The following RUNX2 variants were observed in gnomAD, a reference collection of about 807,000 sequenced individuals.
RUNX2 encodes runt-related transcription factor 2.
In RUNX2, 10 loss-of-function variants were observed where a neutral mutation model predicts 51.7. The ratio of observed to expected loss-of-function variants is 0.19; its 90% CI spans 0.12 to 0.33. The LOEUF is 0.33. Among genes scored for constraint, RUNX2 ranks in the 10% least tolerant of loss-of-function variants. RUNX2 has a pLI of 1.00. For synonymous variants in RUNX2, 276 were observed against 273.6 expected (o/e 1.01, Z -0.09); for missense variants, 562 against 691.3 (o/e 0.81, Z 2.10).
chr6:45,542,857 G>C (rs1230465096), intron 7 of RUNX2, among the ~76,000 whole-genome samples: 1 of 152,172 alleles, frequency 6.6e-6, no homozygotes, highest in Non-Finnish European at 1.5e-5. Flanking sequence ...CTGTGGCTGT[G>C]ATTTTGTGAT....
chr6:45,419,839 G>A (rs1199990409), intron 2 of RUNX2, among the ~76,000 whole-genome samples: 2 of 152,128 alleles, frequency 1.3e-5, no homozygotes, highest in Non-Finnish European at 2.9e-5. Context: ...GAGTAGGTTG[G>A]GGACCAGGTG....
chr6:45,356,904 A>C (rs2150225312), intron 2 of RUNX2, among the ~76,000 whole-genome samples: 1 of 152,314 alleles, frequency 6.6e-6, no homozygotes, highest in Non-Finnish European at 1.5e-5. Flanking sequence ...AATTTACAGA[A>C]TTTACTGTAA....
chr6:45,479,984 T>C (rs1800064230), intron 5 of RUNX2, among the ~76,000 whole-genome samples: 2 of 152,356 alleles, frequency 1.3e-5, no homozygotes, highest in Admixed American at 6.5e-5. Context: ...AAGAACACTT[T>C]AACAGATTTG....
At chr6:45,331,122 T>TGC (rs769276448) in intron 2 of RUNX2, among the ~76,000 whole-genome samples, 1 of 149,810 alleles carries the variant, frequency 6.7e-6, no homozygotes, top group Non-Finnish European at 1.5e-5. Context: ...TGTGTGTGTG[T>TGC]GTGTGCGCGC....
At chr6:45,354,911 AT>A (rs1317520383) in intron 2 of RUNX2, among the ~76,000 whole-genome samples, 3 of 152,126 alleles carry the variant, frequency 2.0e-5, no homozygotes, top group Non-Finnish European at 4.4e-5. Flanking sequence ...GGCTTTTGGT[AT>A]TTTTTAATTT....
intron 2 of RUNX2, among the ~76,000 whole-genome samples, chr6:45,376,886 C>T (rs1796859338): frequency 6.6e-6 from 1 of 152,144 alleles, no homozygotes; most frequent in Non-Finnish European, 1.5e-5. Context: ...TACTTATATA[C>T]ACACATATGT....
At chr6:45,458,136 C>G (rs1563095608) in intron 5 of RUNX2, among the ~76,000 whole-genome samples, 1 of 151,122 alleles carries the variant, frequency 6.6e-6, no homozygotes, top group African/African-American at 2.4e-5. Context: ...AAGAGATTCT[C>G]CTGCCTCAGC....
chr6:45,414,754 C>CTGTTTTTTTTTTTTTT (rs1798026515), intron 2 of RUNX2, among the ~76,000 whole-genome samples: 1 of 33,424 alleles, frequency 3.0e-5, no homozygotes, highest in Non-Finnish European at 5.2e-5. Context: ...CAGATCCTGG[C>CTGTTTTTTTTTTTTTT]TTTTTTTTTT....
chr6:45,539,212 T>TC (rs1491387406), intron 7 of RUNX2, among the ~76,000 whole-genome samples: 2 of 45,426 alleles, frequency 4.4e-5, no homozygotes, highest in African/African-American at 4.3e-4. Context: ...AATTGCCAGG[T>TC]TTTTTTTTCT....
At chr6:45,475,313 A>G (rs973728460) in intron 5 of RUNX2, among the ~76,000 whole-genome samples, 4 of 152,146 alleles carry the variant, frequency 2.6e-5, no homozygotes, top group Non-Finnish European at 5.9e-5. Flanking sequence ...TATTGAAGTC[A>G]AGGCGTTTGA....
At chr6:45,414,485 C>T (rs1798020263) in intron 2 of RUNX2, among the ~76,000 whole-genome samples, 1 of 152,132 alleles carries the variant, frequency 6.6e-6, no homozygotes, top group Non-Finnish European at 1.5e-5. Context: ...GCTGTATTTA[C>T]AAACTTGTAA....
At chr6:45,376,935 ATAACT>A (rs111950057) in intron 2 of RUNX2, among the ~76,000 whole-genome samples, 85 of 152,362 alleles carry the variant, frequency 5.6e-4, no homozygotes, top group Middle Eastern at 6.8e-3. Flanking sequence ...TTCTACCGAA[ATAACT>A]TAACATTTCT....
intron 3 of RUNX2, among the ~76,000 whole-genome samples, chr6:45,423,513 C>T (rs1360925378): frequency 1.3e-5 from 2 of 152,324 alleles, no homozygotes; most frequent in South Asian, 2.1e-4. Flanking sequence ...GCGTCCCCTT[C>T]CCCGACCCGC....
At chr6:45,455,000 A>G (rs1227712480) in intron 5 of RUNX2, among the ~76,000 whole-genome samples, 1 of 152,094 alleles carries the variant, frequency 6.6e-6, no homozygotes, top group Non-Finnish European at 1.5e-5. Context: ...TGTAGTCCCA[A>G]CTACTTAGGA....
intron 2 of RUNX2, among the ~76,000 whole-genome samples, chr6:45,416,245 T>C (rs1798067074): frequency 6.6e-6 from 1 of 152,228 alleles, no homozygotes; most frequent in African/African-American, 2.4e-5. Context: ...CTTTGCTAGT[T>C]TGTAATTCAA....
At chr6:45,528,283 T>C (rs1033786968) in intron 7 of RUNX2, among the ~76,000 whole-genome samples, 7 of 152,128 alleles carry the variant, frequency 4.6e-5, no homozygotes, top group African/African-American at 1.7e-4. Flanking sequence ...TCAAAATGTA[T>C]CTTCTGTATC....
chr6:45,377,574 C>T (rs1278107936), intron 2 of RUNX2, among the ~76,000 whole-genome samples: 1 of 152,116 alleles, frequency 6.6e-6, no homozygotes, highest in Non-Finnish European at 1.5e-5. Context: ...GCCCGGCCAG[C>T]GCCTCCCACA....
At chr6:45,533,701 C>G (rs1801935809) in intron 7 of RUNX2, among the ~76,000 whole-genome samples, 2 of 152,144 alleles carry the variant, frequency 1.3e-5, no homozygotes, top group Middle Eastern at 3.4e-3. Context: ...ATCCTAACAA[C>G]AAAGAGAAAG....
intron 2 of RUNX2, among the ~76,000 whole-genome samples, chr6:45,381,132 G>A (rs373176565): frequency 1.3e-5 from 2 of 152,036 alleles, no homozygotes; most frequent in African/African-American, 2.4e-5. Context: ...GTTTTCTGAC[G>A]TTGAGAACTG....
Sources: allele counts gnomAD v4.1 joint callset (sites outside exome capture counted in the v4.1 genomes callset), GRCh38; gene constraint gnomAD v4.1.1; transcripts MANE v1.5; gene names NCBI Gene and HGNC (gene_info 2026-07-23, HGNC 2026-07-21).